The following OBP2B variants were observed in gnomAD, a reference collection of about 807,000 sequenced individuals.
OBP2B encodes the protein odorant binding protein 2B.
A neutral mutation model predicts 21.7 loss-of-function variants in OBP2B; 10 were observed. The ratio of observed to expected loss-of-function variants is 0.46; its 90% CI spans 0.28 to 0.78. The LOEUF (loss-of-function observed/expected upper bound fraction) is 0.78, where lower values mean the gene tolerates loss of function less well. OBP2B is among the 30% of genes least tolerant of loss of function. The probability of loss-of-function intolerance (pLI) is 0.11; values close to 1 mark genes in which losing one functional copy is unlikely to be tolerated. For synonymous variants in OBP2B, 73 were observed against 91.5 expected (o/e 0.80, Z 1.16); for missense variants, 153 against 217.7 (o/e 0.70, Z 1.87).
chr9:133,208,101 AGGGTGG>A, intron 3 of OBP2B, 26 bp downstream of exon 3: 1 of 894,376 alleles, frequency 1.1e-6, no homozygotes, highest in African/African-American at 4.5e-5. Context: ...GCGGTGGGGG[AGGGTGG>A]GGGTGGGAGT....
chr9:133,212,693 G>A (rs1226661551), upstream of OBP2B, among the ~76,000 whole-genome samples: 1 of 152,200 alleles, frequency 6.6e-6, no homozygotes, highest in Non-Finnish European at 1.5e-5. Context: ...CACTTTGGGA[G>A]GCCCAGGCGG....
At chr9:133,207,913 G>A (rs1300472693) in intron 3 of OBP2B, 2 of 1,533,194 alleles carry the variant, frequency 1.3e-6, no homozygotes, top group East Asian at 4.9e-5. Context: ...CAGAGGGCAG[G>A]CGTGATCTGG....
At chr9:133,217,125 G>T in the OBP2B span, among the ~76,000 whole-genome samples, 1 of 152,160 alleles carries the variant, frequency 6.6e-6, no homozygotes, top group Non-Finnish European at 1.5e-5. Context: ...AAATAACAAT[G>T]ACTGAATAAA....
intron 6 of OBP2B, 192 bp from the exon 7 acceptor site, chr9:133,205,603 G>A: frequency 1.7e-6 from 1 of 605,930 alleles, no homozygotes; most frequent in Middle Eastern, 4.4e-4. Context: ...ATGGTGGGGA[G>A]TGGACCGCGT....
chr9:133,206,555 G>C, intron 4 of OBP2B, 139 bp from the exon 5 acceptor site: 1 of 1,119,540 alleles, frequency 8.9e-7, no homozygotes, highest in South Asian at 1.5e-5. Context: ...CTCGGGGGTG[G>C]GGCTGGGGAC....
upstream of OBP2B, among the ~76,000 whole-genome samples, chr9:133,211,987 G>A (rs1215805252): frequency 6.6e-6 from 1 of 152,126 alleles, no homozygotes; most frequent in Non-Finnish European, 1.5e-5. Context: ...ATAGAGACAG[G>A]TTGAAAGTAA....
rs550216725 is a variant in OBP2B, at chr9:133,206,658, C to T, written c.389-242G>A. 2.9e-4 allele frequency among the ~76,000 whole-genome samples: 43 copies of T among 149,824 alleles called. 1 individual carries two copies. Among genetic ancestry groups the T allele is most frequent in the African/African-American group, 1.1e-3 (43 of 39,916 alleles). On this transcript the variant is annotated intron_variant, in intron 4 of 6. Coordinates refer to ENST00000372034, the MANE Select transcript of OBP2B (RefSeq NM_014581.4). ...GTGGGGCCGGGGACAGAAGAGATGG[C>T]CATAGCCCAGCACCGGACAAGCAGG...
the OBP2B span, among the ~76,000 whole-genome samples, chr9:133,220,823 A>G: frequency 6.6e-6 from 1 of 152,218 alleles, no homozygotes; most frequent in Non-Finnish European, 1.5e-5. Flanking sequence ...GGGCCCTTAT[A>G]GGAGAGAGGC....
the OBP2B span, among the ~76,000 whole-genome samples, chr9:133,222,993 T>C: frequency 2.0e-5 from 3 of 152,082 alleles, no homozygotes; most frequent in Admixed American, 6.5e-5. Flanking sequence ...ACCAGTCTGT[T>C]CCTGGCTCTG....
chr9:133,205,662 G>A (rs553336572), intron 6 of OBP2B: 12 of 616,918 alleles, frequency 1.9e-5, no homozygotes, highest in Middle Eastern at 4.3e-4. Flanking sequence ...TGAGGGAGCC[G>A]GAGGGAGGCC....
chr9:133,211,128 C>G (rs1218024073), upstream of OBP2B, among the ~76,000 whole-genome samples: 1 of 152,278 alleles, frequency 6.6e-6, no homozygotes, highest in African/African-American at 2.4e-5. Flanking sequence ...GACACCTGGG[C>G]ATAAGAAGGT....
At chr9:133,206,600 G>A (rs1833723217) in intron 4 of OBP2B, 184 bp from the exon 5 acceptor site, 1 of 713,796 alleles carries the variant, frequency 1.4e-6, no homozygotes, top group African/African-American at 1.8e-5. Flanking sequence ...CCAGGACAAG[G>A]GGAGAGACCC....
At chr9:133,207,682 C>T (rs116315961) in intron 3 of OBP2B, among the ~76,000 whole-genome samples, 2 of 139,970 alleles carry the variant, frequency 1.4e-5, no homozygotes, top group African/African-American at 6.0e-5. Context: ...CTCGGCCTCC[C>T]CATCCCTAAC....
intron 5 of OBP2B, 107 bp from the exon 6 acceptor site, chr9:133,206,047 C>G: frequency 6.7e-7 from 1 of 1,487,006 alleles, no homozygotes; most frequent in Non-Finnish European, 9.3e-7. Context: ...CAGCCCAGAG[C>G]GCGGAGCCCC....
the OBP2B span, among the ~76,000 whole-genome samples, chr9:133,221,399 A>G: frequency 6.6e-6 from 1 of 152,184 alleles, no homozygotes; most frequent in African/African-American, 2.4e-5. Flanking sequence ...GCACAGATGC[A>G]GGGAGGGCAT....
At chr9:133,212,914 C>T (rs144398277), upstream of OBP2B, among the ~76,000 whole-genome samples, 190 of 151,758 alleles carry the variant, frequency 1.3e-3, no homozygotes, top group Non-Finnish European at 2.2e-3. Context: ...GGTGACAGAG[C>T]AAGACTCCAT....
chr9:133,217,309 A>G, the OBP2B span, among the ~76,000 whole-genome samples: 1 of 152,216 alleles, frequency 6.6e-6, no homozygotes, highest in Admixed American at 6.5e-5. Flanking sequence ...CCAGCTATCA[A>G]TGTCTTGCCT....
chr9:133,207,619 A>G (rs1455031674), intron 3 of OBP2B, among the ~76,000 whole-genome samples: 1 of 151,592 alleles, frequency 6.6e-6, no homozygotes, highest in East Asian at 1.9e-4. Flanking sequence ...CCTAACCCTC[A>G]TCTTCCCCCT....
At chr9:133,210,462 C>G (rs1170832566), upstream of OBP2B, among the ~76,000 whole-genome samples, 1 of 152,150 alleles carries the variant, frequency 6.6e-6, no homozygotes, top group African/African-American at 2.4e-5. Flanking sequence ...CCCTCATCCC[C>G]CCGGGCAGGA....
Sources: gnomAD v4.1 joint callset for allele counts (sites outside exome capture counted in the v4.1 genomes callset) on GRCh38, gnomAD v4.1.1 for gene constraint, MANE v1.5 for transcripts, NCBI Gene and HGNC (gene_info 2026-07-23, HGNC 2026-07-21) for gene names.